Variants in CUX1 observed in about 807,000 individuals in gnomAD.
The protein encoded by CUX1 is protein CASP.
CUX1 carries 31 observed loss-of-function variants against 158.8 expected under a neutral mutation model. The ratio of observed to expected loss-of-function variants is 0.20; its 90% CI spans 0.15 to 0.26. CUX1 has a LOEUF of 0.26. Among genes scored for constraint, CUX1 ranks in the 10% least tolerant of loss-of-function variants. The pLI is 1.00. For missense variants in CUX1, 1,589 were observed against 2,014.6 expected, an observed-to-expected ratio of 0.79 and a Z score of 4.04; for synonymous variants, 879 against 862.1, an observed-to-expected ratio of 1.02 and a Z score of -0.34.
rs1487958522 is a variant in CUX1 at position 102,143,685 on chromosome 7, G to A, written c.675-14875G>A. On this transcript the variant is annotated intron_variant, in intron 8 of 23. Transcript: ENST00000292535. ...TACATTTTTTTCCCCTTGGCAAGTG[G>A]GTAAACGGGATTCCGGGAAGGTAAC... Among the ~76,000 whole-genome samples the A allele has an allele frequency of 1.3e-5, 2 of 152,158 alleles. 1 individual carries two copies. Among genetic ancestry groups the A allele is most frequent in the Middle Eastern group, 6.3e-3 (2 of 316 alleles).
chr7:102,275,271 C>T (rs1380312537), exon 17 of CUX1: 2 of 1,610,276 alleles, frequency 1.2e-6, no homozygotes, highest in East Asian at 2.3e-5. Flanking sequence ...GCCAGCGGTG[C>T]CCTCCCAGAG....
intron 3 of CUX1, among the ~76,000 whole-genome samples, chr7:102,037,916 A>G (rs1416170241): frequency 6.6e-6 from 1 of 151,738 alleles, no homozygotes; most frequent in East Asian, 2.0e-4. Context: ...TTAGCTGGGC[A>G]TGGTGGCACA....
chr7:102,158,668 T>C, intron 9 of CUX1, 60 bp downstream of exon 9: 1 of 1,538,172 alleles, frequency 6.5e-7, no homozygotes, highest in Non-Finnish European at 9.0e-7. Context: ...TTCTGGCATC[T>C]CGGAAGATGC....
At chr7:101,982,810 G>A (rs1001309495) in intron 2 of CUX1, among the ~76,000 whole-genome samples, 1 of 151,608 alleles carries the variant, frequency 6.6e-6, no homozygotes, top group African/African-American at 2.4e-5. Context: ...CCATGTTGGT[G>A]TGCTGCACCC....
intron 2 of CUX1, among the ~76,000 whole-genome samples, chr7:102,027,291 C>G (rs1014426895): frequency 1.3e-5 from 2 of 152,010 alleles, no homozygotes; most frequent in African/African-American, 4.8e-5. Context: ...GAGAATCACT[C>G]AAACCCAGAA....
At chr7:101,840,426 AT>A (rs1221592456) in intron 1 of CUX1, among the ~76,000 whole-genome samples, 3 of 152,086 alleles carry the variant, frequency 2.0e-5, no homozygotes, top group African/African-American at 7.2e-5. Flanking sequence ...TTTTTAGAGA[AT>A]TTTTTTTGGT....
intron 1 of CUX1, among the ~76,000 whole-genome samples, chr7:101,906,717 C>T (rs760656482): frequency 3.2e-4 from 49 of 152,176 alleles, no homozygotes; most frequent in Admixed American, 5.9e-4. Context: ...TAGCAGCTGC[C>T]GTATCTCCAG....
exon 16 of CUX1, chr7:102,274,250 G>C: frequency 3.1e-6 from 5 of 1,613,072 alleles, no homozygotes; most frequent in Non-Finnish European, 3.4e-6. Context: ...GCAGGGTGCC[G>C]CTGAGCACCG....
At chr7:102,007,217 C>G (rs537619380) in intron 2 of CUX1, among the ~76,000 whole-genome samples, 2 of 152,330 alleles carry the variant, frequency 1.3e-5, no homozygotes, top group Non-Finnish European at 2.9e-5. Flanking sequence ...TCCTGGCTCA[C>G]TGCAGCCTCG....
chr7:102,108,585 G>A (rs899940640), intron 6 of CUX1, among the ~76,000 whole-genome samples: 1 of 152,116 alleles, frequency 6.6e-6, no homozygotes, highest in Admixed American at 6.6e-5. Flanking sequence ...TTATCTGCCC[G>A]CCTCACCTCC....
chr7:101,893,752 C>T (rs1801166932), intron 1 of CUX1, among the ~76,000 whole-genome samples: 1 of 152,162 alleles, frequency 6.6e-6, no homozygotes, highest in Admixed American at 6.5e-5. Context: ...ATTGTCAGCA[C>T]TATGTAAATG....
chr7:101,899,911 C>G (rs1003144540), intron 1 of CUX1, among the ~76,000 whole-genome samples: 3 of 152,196 alleles, frequency 2.0e-5, no homozygotes, highest in African/African-American at 7.2e-5. Flanking sequence ...CATGCCAGAA[C>G]CCCATCACAT....
intron 10 of CUX1, among the ~76,000 whole-genome samples, chr7:102,176,813 TCCAC>T (rs1181109271): frequency 1.3e-5 from 2 of 151,938 alleles, no homozygotes; most frequent in East Asian, 3.9e-4. Context: ...GCTCGGGTGA[TCCAC>T]CCACCTCTGC....
intron 18 of CUX1, among the ~76,000 whole-genome samples, 160 bp from the exon 19 acceptor site, chr7:102,204,231 T>G (rs1033348103): frequency 1.3e-5 from 2 of 152,140 alleles, no homozygotes; most frequent in Admixed American, 1.3e-4. Context: ...TAAATGCATA[T>G]TCCCTGCCCA....
chr7:102,276,210 A>G (rs1005907628), intron 17 of CUX1, among the ~76,000 whole-genome samples: 2 of 152,186 alleles, frequency 1.3e-5, no homozygotes, highest in Admixed American at 1.3e-4. Context: ...TCTACCCAGA[A>G]GTGGAATTAC....
intron 3 of CUX1, among the ~76,000 whole-genome samples, chr7:102,045,824 C>T (rs1021670023): frequency 6.6e-6 from 1 of 152,216 alleles, no homozygotes; most frequent in African/African-American, 2.4e-5. Context: ...AGCTCGAACT[C>T]GGGCAGAGTG....
chr7:101,942,505 C>T (rs974616396), intron 2 of CUX1, among the ~76,000 whole-genome samples: 3 of 152,196 alleles, frequency 2.0e-5, no homozygotes, highest in African/African-American at 7.2e-5. Flanking sequence ...CTCTGTCGCC[C>T]AGGCTGGAGT....
Position 102,280,885 on chromosome 7 carries a change from C to G in CUX1, c.1821+25C>G, listed in dbSNP as rs112229626. The stretch of plus-strand genomic sequence containing the variant: ...GGTGAGTCCCTGCCCCTACCCACCC[C>G]CTCCCTGGACAGGCCTGAGCCTCTG... On this transcript the variant is annotated intron_variant, in intron 20 of 22. Transcript: ENST00000292538. 2,963 of 1,605,726 alleles carry G rather than the reference C, an allele frequency of 1.8e-3. 42 individuals carry two copies. The African/African-American group carries it at 0.037, about 20-fold the overall frequency.
chr7:102,113,130 T>C (rs902364675), intron 7 of CUX1, among the ~76,000 whole-genome samples: 1 of 152,126 alleles, frequency 6.6e-6, no homozygotes, highest in South Asian at 2.1e-4. Flanking sequence ...GAAATGCAAA[T>C]GGAAACTACA....
Sources: allele counts gnomAD v4.1 joint callset (sites outside exome capture counted in the v4.1 genomes callset), GRCh38; gene constraint gnomAD v4.1.1; transcripts MANE v1.5; gene names NCBI Gene and HGNC (gene_info 2026-07-23, HGNC 2026-07-21).